The following AKAP7 variants were observed in gnomAD, a reference collection of about 807,000 sequenced individuals.
AKAP7 encodes the protein A-kinase anchoring protein 7, also known as A kinase (PRKA) anchor protein 7.
Under a neutral mutation model 39.5 loss-of-function variants are expected in AKAP7, and 39 were observed. The ratio of observed to expected loss-of-function variants is 0.99; its 90% confidence interval spans 0.76 to 1.29. The LOEUF (loss-of-function observed/expected upper bound fraction) is 1.29. Ranked by LOEUF, AKAP7 falls within the 50% of genes most tolerant of loss-of-function variation. The probability of loss-of-function intolerance (pLI) is 0.00; values close to 1 mark genes in which losing one functional copy is unlikely to be tolerated. For missense variants in AKAP7, 414 were observed against 407.7 expected, an observed-to-expected ratio of 1.02 and a Z score of -0.13; for synonymous variants, 140 against 139.1, an observed-to-expected ratio of 1.01 and a Z score of -0.05.
In AKAP7 at chr6:131,219,724, A is replaced by G; in HGVS notation, c.766A>G (p.Ile256Val). 1 of 1,599,036 alleles carries G rather than the reference A, an allele frequency of 6.3e-7. No homozygotes were observed. Among genetic ancestry groups the G allele is most frequent in the Non-Finnish European group, 8.5e-7 (1 of 1,171,928 alleles). Residue 256 changes from isoleucine (I) to valine (V), a missense_variant, in exon 7 of 8, where the codon ATA (isoleucine) becomes GTA (valine). Ile to Val is a conservative substitution (Grantham distance 29, BLOSUM62 3). Coordinates refer to ENST00000431975, the MANE Select transcript of AKAP7 (RefSeq NM_016377.4). ...KFISHRFGEE[I>V]LYRIDLCSML... ...TATCAGTCACAGATTTGGAGAAGAAATATTATATCGCATAGATCTTTGCTC... is the reference window on the plus strand; with the variant it reads ...TATCAGTCACAGATTTGGAGAAGAAGTATTATATCGCATAGATCTTTGCTC...
chr6:131,241,609 G>GTATATATA (rs1176516314), intron 7 of AKAP7, among the ~76,000 whole-genome samples: 2 of 135,444 alleles, frequency 1.5e-5, no homozygotes, highest in Non-Finnish European at 3.2e-5. Flanking sequence ...GTGTGTGTGT[G>GTATATATA]TGTGTGTGTG....
chr6:131,273,188 T>C (rs910345431), intron 7 of AKAP7, among the ~76,000 whole-genome samples: 1 of 152,206 alleles, frequency 6.6e-6, no homozygotes, highest in African/African-American at 2.4e-5. Context: ...TTCCGTATTA[T>C]TACCTTTAAC....
intron 7 of AKAP7, among the ~76,000 whole-genome samples, chr6:131,267,616 A>C (rs1813919017): frequency 6.6e-6 from 1 of 152,100 alleles, no homozygotes; most frequent in Admixed American, 6.6e-5. Context: ...CTCATCAGTT[A>C]CTTAACCAGA....
chr6:131,255,028 T>TAAA (rs1812733356), intron 7 of AKAP7, among the ~76,000 whole-genome samples: 1 of 152,118 alleles, frequency 6.6e-6, no homozygotes, highest in Non-Finnish European at 1.5e-5. Context: ...TGATCAAATT[T>TAAA]TACACAAGGA....
chr6:131,210,710 C>T lies in AKAP7; in HGVS notation c.703-8951C>T, dbSNP rs151067820. 5.1e-4 allele frequency among the ~76,000 whole-genome samples: 78 copies of T among 152,228 alleles called. 1 individual carries two copies. In the East Asian group the frequency reaches 6.8e-3, roughly 13 times the overall value. ...AGAATATTTCTTTCACAGTAATTTC[C>T]GGTTTGGTCTCCAGCACTACTGTGG... is the stretch of plus-strand genomic sequence containing the variant. On this transcript the variant is annotated intron_variant, in intron 6 of 7. Transcript: ENST00000431975.
At chr6:131,203,498 T>C (rs554368733) in intron 6 of AKAP7, among the ~76,000 whole-genome samples, 3 of 152,306 alleles carry the variant, frequency 2.0e-5, no homozygotes, top group African/African-American at 7.2e-5. Flanking sequence ...ATTTCACGTA[T>C]GTTATTCTTT....
chr6:131,205,968 T>A (rs1808056956), intron 6 of AKAP7, among the ~76,000 whole-genome samples: 1 of 152,204 alleles, frequency 6.6e-6, no homozygotes, highest in African/African-American at 2.4e-5. Context: ...ATGCTTTTTG[T>A]ACGGTATCTT....
intron 6 of AKAP7, among the ~76,000 whole-genome samples, chr6:131,202,026 G>A (rs1393054920): frequency 6.6e-6 from 1 of 152,122 alleles, no homozygotes; most frequent in Non-Finnish European, 1.5e-5. Flanking sequence ...ACCATCACTG[G>A]CCATCAGAGA....
At chr6:131,245,433 T>G (rs1194061287) in intron 7 of AKAP7, among the ~76,000 whole-genome samples, 2 of 150,636 alleles carry the variant, frequency 1.3e-5, no homozygotes, top group African/African-American at 4.9e-5. Flanking sequence ...TGTTTTTTTG[T>G]TTTTGGTTTT....
intron 7 of AKAP7, among the ~76,000 whole-genome samples, chr6:131,275,094 T>C (rs1386861078): frequency 6.6e-6 from 1 of 152,196 alleles, no homozygotes; most frequent in Non-Finnish European, 1.5e-5. Flanking sequence ...TTTACATACT[T>C]AGTAGTGGTA....
At chr6:131,189,416 T>TA (rs1158464330) in intron 5 of AKAP7, among the ~76,000 whole-genome samples, 2 of 152,224 alleles carry the variant, frequency 1.3e-5, no homozygotes, top group African/African-American at 4.8e-5. Context: ...TGTGATCGTA[T>TA]AAACATCTTT....
intron 7 of AKAP7, among the ~76,000 whole-genome samples, chr6:131,232,539 C>G (rs184044243): frequency 2.0e-5 from 3 of 152,076 alleles, no homozygotes; most frequent in East Asian, 1.9e-4. Context: ...GTTATGAAAT[C>G]GTTACTGGCC....
At chr6:131,158,760 G>C (rs1802650489) in intron 2 of AKAP7, among the ~76,000 whole-genome samples, 1 of 152,030 alleles carries the variant, frequency 6.6e-6, no homozygotes, top group African/African-American at 2.4e-5. Context: ...TCCTGCTTCA[G>C]CCTCCCAAAG....
intron 6 of AKAP7, among the ~76,000 whole-genome samples, chr6:131,211,513 C>T (rs2128291691): frequency 6.6e-6 from 1 of 151,976 alleles, no homozygotes; most frequent in East Asian, 1.9e-4. Flanking sequence ...CGCCTGTAAT[C>T]CCAGCACTTT....
At chr6:131,189,979 C>T (rs1453241582) in intron 5 of AKAP7, among the ~76,000 whole-genome samples, 2 of 152,130 alleles carry the variant, frequency 1.3e-5, no homozygotes, top group Admixed American at 6.5e-5. Context: ...CCAGGACTTC[C>T]AACTTCTGTG....
intron 7 of AKAP7, among the ~76,000 whole-genome samples, chr6:131,229,087 C>T (rs1810428713): frequency 6.6e-6 from 1 of 152,086 alleles, no homozygotes; most frequent in South Asian, 2.1e-4. Flanking sequence ...GCTAAAGTAG[C>T]CCCTTTCTTC....
At chr6:131,271,382 AT>A (rs1009922629) in intron 7 of AKAP7, among the ~76,000 whole-genome samples, 2 of 151,828 alleles carry the variant, frequency 1.3e-5, no homozygotes, top group South Asian at 2.1e-4. Context: ...CTAGTTGCGG[AT>A]TTTTTTTGTT....
At chr6:131,203,669 T>A (rs2128284814) in intron 6 of AKAP7, among the ~76,000 whole-genome samples, 1 of 152,286 alleles carries the variant, frequency 6.6e-6, no homozygotes, top group Middle Eastern at 3.4e-3. Flanking sequence ...AGGTAAACAC[T>A]GCCAGTAGAT....
At chr6:131,271,925 A>C (rs768555414) in intron 7 of AKAP7, among the ~76,000 whole-genome samples, 8 of 152,180 alleles carry the variant, frequency 5.3e-5, no homozygotes, top group Non-Finnish European at 1.0e-4. Context: ...TCCTAAATTA[A>C]ATTACATATA....
Sources: allele counts gnomAD v4.1 joint callset (sites outside exome capture counted in the v4.1 genomes callset), GRCh38; gene constraint gnomAD v4.1.1; transcripts MANE v1.5; gene names NCBI Gene and HGNC (gene_info 2026-07-23, HGNC 2026-07-21).